ARMC8: variants seen among roughly 807,000 people sequenced by gnomAD.
ARMC8 encodes the protein armadillo repeat containing 8, also known as armadillo repeat-containing protein 8.
ARMC8 carries 20 observed loss-of-function variants against 99.3 expected under a neutral mutation model. That is an observed-to-expected ratio of 0.20 (90% confidence interval 0.14 to 0.29). ARMC8 has a LOEUF of 0.29. Ranked by LOEUF, ARMC8 falls within the 10% of genes least tolerant of loss-of-function variation. ARMC8 has a pLI of 1.00. For synonymous variants in ARMC8, 263 were observed against 278.3 expected (o/e 0.95, Z 0.55); for missense variants, 569 against 809.5 (o/e 0.70, Z 3.60).
intron 1 of ARMC8, among the ~76,000 whole-genome samples, chr3:138,195,264 G>A (rs1260359491): frequency 7.0e-6 from 1 of 142,418 alleles, no homozygotes; most frequent in African/African-American, 2.6e-5. Context: ...CGGCCTGGGC[G>A]ACAGAGCGAG....
intron 2 of ARMC8, among the ~76,000 whole-genome samples, chr3:138,218,160 G>A (rs2045182418): frequency 6.6e-6 from 1 of 152,162 alleles, no homozygotes; most frequent in African/African-American, 2.4e-5. Flanking sequence ...TAACTAAAGA[G>A]ACCATCCATG....
chr3:138,225,208 C>T lies in ARMC8; in HGVS notation c.435+1475C>T, dbSNP rs542250059. On this transcript the variant is annotated intron_variant, in intron 5 of 21. Coordinates refer to ENST00000469044, the MANE Select transcript of ARMC8 (RefSeq NM_001363941.2). ...GCAACCTCCGCCTCCTGAGTTCAAG[C>T]AATTCTCCTGCCTCAGCCTCCCGAG... 2.0e-5 allele frequency among the ~76,000 whole-genome samples: 3 copies of T among 148,698 alleles called. No individual in the cohort carries two copies. In the South Asian group the frequency reaches 6.4e-4, roughly 32 times the overall value.
chr3:138,245,217 A>T, intron 12 of ARMC8, 34 bp downstream of exon 12: 2 of 1,614,204 alleles, frequency 1.2e-6, no homozygotes, highest in Non-Finnish European at 1.7e-6. Flanking sequence ...CCCAGTCCTG[A>T]CAGCCAGCAG....
At chr3:138,222,551 T>A (rs779702294) in intron 3 of ARMC8, among the ~76,000 whole-genome samples, 1 of 152,234 alleles carries the variant, frequency 6.6e-6, no homozygotes, top group Non-Finnish European at 1.5e-5. Flanking sequence ...TCTTTACTTT[T>A]GCTCCTCAGA....
At chr3:138,271,114 CTG>C (rs2048748620) in intron 16 of ARMC8, among the ~76,000 whole-genome samples, 1 of 152,166 alleles carries the variant, frequency 6.6e-6, no homozygotes, top group Non-Finnish European at 1.5e-5. Context: ...GCTATATCTG[CTG>C]TGTTTTTATA....
intron 1 of ARMC8, among the ~76,000 whole-genome samples, chr3:138,196,402 T>C (rs1375737531): frequency 1.3e-5 from 2 of 152,202 alleles, no homozygotes; most frequent in African/African-American, 2.4e-5. Context: ...GCATCATCAG[T>C]GTATTGATCT....
chr3:138,208,466 CAG>C (rs903057745), intron 1 of ARMC8, among the ~76,000 whole-genome samples: 1 of 152,182 alleles, frequency 6.6e-6, no homozygotes, highest in Non-Finnish European at 1.5e-5. Context: ...GACTTCGTCT[CAG>C]GGGAGGGGGG....
chr3:138,270,229 T>G, intron 16 of ARMC8, 97 bp downstream of exon 16: 1 of 1,012,352 alleles, frequency 9.9e-7, no homozygotes, highest in Non-Finnish European at 1.4e-6. Context: ...TCTGGAATTT[T>G]CTTTTTCAAA....
intron 1 of ARMC8, among the ~76,000 whole-genome samples, chr3:138,190,250 G>A (rs2043302852): frequency 6.7e-6 from 1 of 148,770 alleles, no homozygotes; most frequent in African/African-American, 2.5e-5. Flanking sequence ...TTTATATTCA[G>A]CTTCAGAGTT....
chr3:138,204,501 A>G (rs1217974641), intron 1 of ARMC8, among the ~76,000 whole-genome samples: 1 of 152,114 alleles, frequency 6.6e-6, no homozygotes, highest in African/African-American at 2.4e-5. Context: ...TCCCCTTTAC[A>G]GTGAAAAGCC....
chr3:138,292,823 C>A (rs1414388492), intron 21 of ARMC8, among the ~76,000 whole-genome samples: 1 of 152,114 alleles, frequency 6.6e-6, no homozygotes, highest in Non-Finnish European at 1.5e-5. Flanking sequence ...GGACTAAGGA[C>A]CAAGATCTAG....
chr3:138,252,408 A>T (rs965241315), intron 12 of ARMC8, among the ~76,000 whole-genome samples: 18 of 151,354 alleles, frequency 1.2e-4, no homozygotes. Context: ...TTACAGAAAA[A>T]GTTTGCCCAC....
In ARMC8 at chr3:138,248,538, A is replaced by T. The variant is rs531089166; in HGVS notation, c.1134+3355A>T. 1.5e-3 allele frequency among the ~76,000 whole-genome samples: 230 copies of T among 152,348 alleles called. 1 individual carries two copies. The highest frequency in any genetic ancestry group is 5.3e-3 in the African/African-American group (220 of 41,578). ...GAAGTTAAGATACGAAGCAAAATAG[A>T]TCAACAAACTATTTCAAGTACTGGC... On this transcript the variant is annotated intron_variant, in intron 12 of 21. Coordinates refer to ENST00000469044, the MANE Select transcript of ARMC8 (RefSeq NM_001363941.2).
intron 12 of ARMC8, among the ~76,000 whole-genome samples, chr3:138,258,914 CTG>C (rs1219603847): frequency 1.3e-5 from 2 of 152,228 alleles, no homozygotes; most frequent in Non-Finnish European, 2.9e-5. Flanking sequence ...GGCACAGTGT[CTG>C]TGTAACAGAG....
chr3:138,255,033 GAGAGGCT>G (rs1553765190), intron 12 of ARMC8, among the ~76,000 whole-genome samples: 1 of 151,996 alleles, frequency 6.6e-6, no homozygotes, highest in Non-Finnish European at 1.5e-5. Context: ...AGACCTACAG[GAGAGGCT>G]AGATGCTGAT....
At chr3:138,257,939 G>T (rs2047488475) in intron 12 of ARMC8, among the ~76,000 whole-genome samples, 1 of 152,136 alleles carries the variant, frequency 6.6e-6, no homozygotes, top group Non-Finnish European at 1.5e-5. Flanking sequence ...TATCCACTTA[G>T]ATATTAAATG....
intron 16 of ARMC8, among the ~76,000 whole-genome samples, chr3:138,272,105 T>C (rs990969499): frequency 6.6e-6 from 1 of 152,210 alleles, no homozygotes; most frequent in African/African-American, 2.4e-5. Flanking sequence ...GCAAAATAGC[T>C]ACTAGCCACC....
chr3:138,202,982 A>G (rs568404499), intron 1 of ARMC8, among the ~76,000 whole-genome samples: 26 of 152,322 alleles, frequency 1.7e-4, no homozygotes, highest in South Asian at 1.5e-3. Context: ...TCAAAAGGCA[A>G]TGGTTTAAAT....
At chr3:138,241,676 G>T (rs183602661) in intron 10 of ARMC8, 107 bp from the exon 11 acceptor site, 2 of 961,008 alleles carry the variant, frequency 2.1e-6, no homozygotes, top group African/African-American at 1.6e-5. Context: ...GGAAATATAT[G>T]ATCATAAACA....
Sources: gnomAD v4.1 joint callset for allele counts (sites outside exome capture counted in the v4.1 genomes callset) on GRCh38, gnomAD v4.1.1 for gene constraint, MANE v1.5 for transcripts, NCBI Gene and HGNC (gene_info 2026-07-23, HGNC 2026-07-21) for gene names.